The following PPARGC1A variants were observed in gnomAD, a reference collection of about 807,000 sequenced individuals.
PPARGC1A encodes the protein peroxisome proliferator-activated receptor gamma coactivator 1-alpha.
PPARGC1A carries 25 observed loss-of-function variants against 88.7 expected under a neutral mutation model. That is an observed-to-expected ratio of 0.28 (90% CI 0.21 to 0.39). The LOEUF (loss-of-function observed/expected upper bound fraction) is 0.39. Among genes scored for constraint, PPARGC1A ranks in the 10% least tolerant of loss-of-function variants. PPARGC1A has a pLI of 1.00. For synonymous variants in PPARGC1A, 363 were observed against 355.6 expected (o/e 1.02, Z -0.24); for missense variants, 880 against 968.7 (o/e 0.91, Z 1.22).
At chr4:24,345,091 TC>T in the PPARGC1A span, among the ~76,000 whole-genome samples, 1 of 152,258 alleles carries the variant, frequency 6.6e-6, no homozygotes, top group Middle Eastern at 3.4e-3. Flanking sequence ...TTCTGGGTTC[TC>T]CATTCTGTTC....
the PPARGC1A span, among the ~76,000 whole-genome samples, chr4:24,002,785 T>A: frequency 6.6e-6 from 1 of 152,168 alleles, no homozygotes; most frequent in Non-Finnish European, 1.5e-5. Context: ...TTTCACTGTT[T>A]GGATTCAGCT....
At chr4:24,056,994 T>C in the PPARGC1A span, among the ~76,000 whole-genome samples, 4 of 152,154 alleles carry the variant, frequency 2.6e-5, no homozygotes, top group African/African-American at 7.2e-5. Context: ...AAAAGAGATA[T>C]CTTTACACCT....
chr4:24,033,354 G>A, the PPARGC1A span, among the ~76,000 whole-genome samples: 1 of 151,994 alleles, frequency 6.6e-6, no homozygotes, highest in African/African-American at 2.4e-5. Context: ...AGCACTTACT[G>A]TTTTTATAAT....
In PPARGC1A at chr4:23,873,202, ATAAAAAAT is replaced by A. The variant is rs1322088124; in HGVS notation, c.234+11542_234+11549del. ...GACAGAGCGAGACTCCGTCTCAAAA[ATAAAAAAT>A]AAAAAATAAAAAATAAAGAAAAAAA... On this transcript the variant is annotated intron_variant, in intron 2 of 12. Coordinates refer to ENST00000264867, the MANE Select transcript of PPARGC1A (RefSeq NM_013261.5). Among the ~76,000 whole-genome samples, 61 of 136,850 alleles carry A rather than the reference ATAAAAAAT, an allele frequency of 4.5e-4. 6 individuals carry two copies. Among genetic ancestry groups the A allele is most frequent in the African/African-American group, 1.1e-3 (40 of 35,724 alleles). 89.8% of individuals were successfully genotyped at this position (136,850 alleles called of 152,430 possible). A position where few individuals can be genotyped will look rare whatever the true frequency, so the allele number is the denominator to read the frequency against.
At chr4:24,142,279 A>G in the PPARGC1A span, among the ~76,000 whole-genome samples, 1 of 152,218 alleles carries the variant, frequency 6.6e-6, no homozygotes, top group African/African-American at 2.4e-5. Context: ...TGAAACGCTA[A>G]TAAATAAGCA....
At chr4:23,910,342 T>A in the PPARGC1A span, among the ~76,000 whole-genome samples, 1 of 56,252 alleles carries the variant, frequency 1.8e-5, no homozygotes, top group East Asian at 6.2e-4. Context: ...TTATATATAT[T>A]ATATATTATA....
At chr4:23,852,417 C>T (rs889159281) in intron 2 of PPARGC1A, among the ~76,000 whole-genome samples, 5 of 151,094 alleles carry the variant, frequency 3.3e-5, no homozygotes, top group African/African-American at 1.2e-4. Context: ...CTCAGATTTC[C>T]ACTGTCTCCA....
At chr4:24,416,383 C>T in the PPARGC1A span, among the ~76,000 whole-genome samples, 1 of 152,000 alleles carries the variant, frequency 6.6e-6, no homozygotes, top group Admixed American at 6.6e-5. Flanking sequence ...AATGAATTTG[C>T]CAGGGAGAAA....
chr4:24,278,278 C>G, the PPARGC1A span, among the ~76,000 whole-genome samples: 1 of 152,162 alleles, frequency 6.6e-6, no homozygotes, highest in African/African-American at 2.4e-5. Context: ...CTACAATGTA[C>G]CAAGCATAAT....
the PPARGC1A span, among the ~76,000 whole-genome samples, chr4:24,420,879 C>G: frequency 6.6e-6 from 1 of 152,280 alleles, no homozygotes; most frequent in Middle Eastern, 3.4e-3. Context: ...AGTCCATGAT[C>G]AAAGCACCAG....
chr4:24,255,440 G>A, the PPARGC1A span, among the ~76,000 whole-genome samples: 1 of 152,234 alleles, frequency 6.6e-6, no homozygotes, highest in Middle Eastern at 3.4e-3. Flanking sequence ...AGTTTAAGGG[G>A]ACAAAAAGTG....
At chr4:24,346,494 T>C in the PPARGC1A span, among the ~76,000 whole-genome samples, 1 of 152,156 alleles carries the variant, frequency 6.6e-6, no homozygotes, top group African/African-American at 2.4e-5. Flanking sequence ...TAATTCTTCC[T>C]GCTTTGAGCT....
chr4:23,903,585 A>C (rs1719676893), upstream of PPARGC1A, among the ~76,000 whole-genome samples: 1 of 152,232 alleles, frequency 6.6e-6, no homozygotes, highest in Admixed American at 6.5e-5. Flanking sequence ...GCCATGCAAT[A>C]CAGTGGTCCT....
the PPARGC1A span, among the ~76,000 whole-genome samples, chr4:24,301,853 C>A: frequency 6.6e-6 from 1 of 152,052 alleles, no homozygotes; most frequent in Non-Finnish European, 1.5e-5. Flanking sequence ...TCATCCTACC[C>A]ATTTAATCTA....
the PPARGC1A span, among the ~76,000 whole-genome samples, chr4:24,094,657 A>G: frequency 2.6e-5 from 4 of 152,372 alleles, 1 homozygote; most frequent in South Asian, 8.3e-4. Flanking sequence ...TGAAGCATCA[A>G]ATAATAAATG....
chr4:23,822,171 T>C (rs371375663), intron 7 of PPARGC1A, among the ~76,000 whole-genome samples: 2 of 152,160 alleles, frequency 1.3e-5, no homozygotes, highest in Non-Finnish European at 2.9e-5. Context: ...GGAGGGAAAG[T>C]GTGTGTGCCA....
intron 8 of PPARGC1A, among the ~76,000 whole-genome samples, chr4:23,813,464 C>G (rs1319476140): frequency 6.6e-6 from 1 of 152,058 alleles, no homozygotes; most frequent in South Asian, 2.1e-4. Flanking sequence ...ACAAATTGCT[C>G]TCTCTGATAG....
At chr4:23,870,134 G>C (rs746007482) in intron 2 of PPARGC1A, among the ~76,000 whole-genome samples, 2 of 152,074 alleles carry the variant, frequency 1.3e-5, no homozygotes, top group African/African-American at 4.8e-5. Flanking sequence ...CTAAAACTAC[G>C]TGTTTGTGTT....
chr4:24,255,900 G>A, the PPARGC1A span, among the ~76,000 whole-genome samples: 2 of 152,168 alleles, frequency 1.3e-5, no homozygotes, highest in African/African-American at 4.8e-5. Context: ...GGGTTGTTGG[G>A]TGAATGAGTT....
Sources: allele counts gnomAD v4.1 joint callset (sites outside exome capture counted in the v4.1 genomes callset), GRCh38; gene constraint gnomAD v4.1.1; transcripts MANE v1.5; gene names NCBI Gene and HGNC (gene_info 2026-07-23, HGNC 2026-07-21).